Variants in CAPN8 observed in about 807,000 individuals in gnomAD.
The protein encoded by CAPN8 is calpain-8.
A neutral mutation model predicts 80.9 loss-of-function variants in CAPN8; 87 were observed. The observed-to-expected ratio is 1.07, with a 90% CI of 0.90 to 1.28. CAPN8 has a LOEUF of 1.28. Ranked by LOEUF, CAPN8 falls within the 50% of genes most tolerant of loss-of-function variation. CAPN8 has a pLI of 0.00. For missense variants in CAPN8, 757 were observed against 702.0 expected (o/e 1.08, Z -0.89); for synonymous variants, 299 against 273.8 (o/e 1.09, Z -0.91).
chr1:223,543,054 C>T, intron 20 of CAPN8, 54 bp downstream of exon 20: 1 of 1,547,268 alleles, frequency 6.5e-7, no homozygotes, highest in Non-Finnish European at 8.7e-7. Context: ...CTACATGGTC[C>T]AAGAATTTCA....
intron 1 of CAPN8, among the ~76,000 whole-genome samples, chr1:223,656,997 T>A (rs958551105): frequency 6.6e-6 from 1 of 152,152 alleles, no homozygotes; most frequent in African/African-American, 2.4e-5. Context: ...TACACACATT[T>A]TTATCACATA....
intron 1 of CAPN8, among the ~76,000 whole-genome samples, chr1:223,663,960 G>GA (rs1658718943): frequency 6.6e-6 from 1 of 152,206 alleles, no homozygotes; most frequent in Non-Finnish European, 1.5e-5. Context: ...TCATGGTTTA[G>GA]AAGACAAAAG....
At chr1:223,663,107 C>T (rs12087945) in intron 1 of CAPN8, among the ~76,000 whole-genome samples, 173 of 152,326 alleles carry the variant, frequency 1.1e-3, no homozygotes, top group African/African-American at 3.9e-3. Flanking sequence ...TACTCAGGTT[C>T]TACTGCCTCA....
intron 2 of CAPN8, among the ~76,000 whole-genome samples, chr1:223,634,283 A>C (rs1657854560): frequency 6.6e-6 from 1 of 152,138 alleles, no homozygotes; most frequent in African/African-American, 2.4e-5. Context: ...AGGAGCACTC[A>C]GGTGGGGCTG....
At chr1:223,631,537 A>T (rs1383396781) in intron 2 of CAPN8, among the ~76,000 whole-genome samples, 2 of 152,110 alleles carry the variant, frequency 1.3e-5, no homozygotes, top group East Asian at 3.8e-4. Flanking sequence ...ATGTGGATTC[A>T]CTCATCTCGG....
Position 223,541,798 on chromosome 1 carries a change from G to A in CAPN8, c.*38C>T, listed in dbSNP as rs1261857462. 3 of 1,551,428 alleles carry A rather than the reference G, an allele frequency of 1.9e-6. No homozygotes were observed. In the African/African-American group the frequency reaches 4.1e-5, roughly 21 times the overall value. On this transcript the variant is annotated 3_prime_UTR_variant, in exon 21 of 21. Coordinates refer to ENST00000366872, the MANE Select transcript of CAPN8 (RefSeq NM_001143962.2). ...GAGAAGGGGTGACAAGAAGCAAGCA[G>A]TGGGGCAGGGAGTGTCACTGATGTC...
intron 14 of CAPN8, among the ~76,000 whole-genome samples, chr1:223,552,415 T>C (rs1242263804): frequency 1.3e-5 from 2 of 151,760 alleles, no homozygotes; most frequent in Non-Finnish European, 2.9e-5. Flanking sequence ...AATGCAAAAA[T>C]TATCCAGGCG....
rs1328562271 is a variant in CAPN8, at chr1:223,628,063, T to C, written c.506A>G (p.His169Arg). 7 of 1,551,118 alleles carry C rather than the reference T, an allele frequency of 4.5e-6. No homozygotes were observed. The highest frequency in any genetic ancestry group is 6.1e-6 in the Non-Finnish European group (7 of 1,146,790). The change falls in exon 4 of 21, where the codon CAC becomes CGC. Residue 169 changes from histidine (H) to arginine (R), a missense_variant. Coordinates refer to ENST00000366872, the MANE Select transcript of CAPN8 (RefSeq NM_001143962.2). ...PTKNGQLLFL[H>R]SEQGNEFWSA... is the part of the protein sequence containing the mutation. ...CCAGAATTCATTGCCTTGTTCCGAG[T>C]GTAGGAAGAGCAGCTGTCCATTCTT...
At chr1:223,625,520 C>T (rs2102711268) in intron 6 of CAPN8, among the ~76,000 whole-genome samples, 1 of 152,194 alleles carries the variant, frequency 6.6e-6, no homozygotes, top group East Asian at 1.9e-4. Context: ...TGGTCTTGAA[C>T]TCCTGGCCTC....
At chr1:223,543,064 A>G (rs1656511641) in intron 20 of CAPN8, 44 bp downstream of exon 20, 2 of 1,549,114 alleles carry the variant, frequency 1.3e-6, no homozygotes, top group African/African-American at 2.7e-5. Flanking sequence ...CAAGAATTTC[A>G]GAGTACCATC....
At chr1:223,544,721 A>G (rs2102686140) in intron 18 of CAPN8, 51 bp downstream of exon 18, 2 of 1,545,746 alleles carry the variant, frequency 1.3e-6, no homozygotes, top group South Asian at 2.4e-5. Flanking sequence ...ATAAATATTT[A>G]CAATGTGCAC....
intron 2 of CAPN8, among the ~76,000 whole-genome samples, chr1:223,630,988 G>T (rs1160329368): frequency 6.6e-6 from 1 of 152,078 alleles, no homozygotes; most frequent in African/African-American, 2.4e-5. Context: ...GTCCTCCATT[G>T]CTCACCAATG....
At chr1:223,640,926 T>C (rs1658025735) in intron 2 of CAPN8, among the ~76,000 whole-genome samples, 1 of 152,092 alleles carries the variant, frequency 6.6e-6, no homozygotes. Flanking sequence ...ATTCGATGGA[T>C]TTCATGAAGT....
At chr1:223,644,737 C>T (rs1222038593) in intron 2 of CAPN8, among the ~76,000 whole-genome samples, 1 of 152,162 alleles carries the variant, frequency 6.6e-6, no homozygotes, top group Non-Finnish European at 1.5e-5. Context: ...TAGGTGATGG[C>T]TTCCTCCTCA....
At chr1:223,657,060 T>C (rs1658514350) in intron 1 of CAPN8, among the ~76,000 whole-genome samples, 1 of 152,218 alleles carries the variant, frequency 6.6e-6, no homozygotes, top group African/African-American at 2.4e-5. Flanking sequence ...TCATTAAAAG[T>C]ACCATAAGTT....
chr1:223,610,936 A>G (rs1316063740), intron 11 of CAPN8, among the ~76,000 whole-genome samples: 3 of 152,220 alleles, frequency 2.0e-5, no homozygotes, highest in Non-Finnish European at 4.4e-5. Context: ...CAAAAACTCC[A>G]GGAGCAGGGC....
chr1:223,547,512 G>A (rs754715602), intron 16 of CAPN8, among the ~76,000 whole-genome samples: 18 of 152,194 alleles, frequency 1.2e-4, no homozygotes, highest in Non-Finnish European at 2.1e-4. Flanking sequence ...TTTCTTTTTA[G>A]GGTGATGACA....
intron 19 of CAPN8, among the ~76,000 whole-genome samples, chr1:223,543,805 C>T (rs548077996): frequency 6.6e-5 from 10 of 152,326 alleles, no homozygotes; most frequent in Admixed American, 3.3e-4. Context: ...ACTGTAGATG[C>T]GCAATAGTCT....
chr1:223,650,800 G>A (rs1658324989), intron 2 of CAPN8, among the ~76,000 whole-genome samples: 1 of 152,166 alleles, frequency 6.6e-6, no homozygotes, highest in Non-Finnish European at 1.5e-5. Flanking sequence ...GTTGATATAT[G>A]GGTATGACTT....
Sources: allele counts gnomAD v4.1 joint callset (sites outside exome capture counted in the v4.1 genomes callset), GRCh38; gene constraint gnomAD v4.1.1; transcripts MANE v1.5; gene names NCBI Gene and HGNC (gene_info 2026-07-23, HGNC 2026-07-21).